Variants in SOX5 observed in about 807,000 individuals in gnomAD.
SOX5 encodes the protein SRY-box transcription factor 5.
SOX5 carries 9 observed loss-of-function variants against 92.0 expected under a neutral mutation model. The observed-to-expected ratio is 0.10, with a 90% CI of 0.06 to 0.17. The LOEUF (loss-of-function observed/expected upper bound fraction) is 0.17, where lower values mean the gene tolerates loss of function less well. SOX5 is among the 10% of genes least tolerant of loss of function. The pLI, the probability that SOX5 is intolerant of heterozygous loss-of-function variation, is 1.00. For synonymous variants in SOX5, 344 were observed against 336.3 expected, an observed-to-expected ratio of 1.02 and a Z score of -0.25; for missense variants, 642 against 944.5, an observed-to-expected ratio of 0.68 and a Z score of 4.20.
intron 7 of SOX5, among the ~76,000 whole-genome samples, chr12:23,662,124 A>G (rs1201620808): frequency 3.9e-5 from 6 of 152,126 alleles, no homozygotes; most frequent in Admixed American, 3.9e-4. Flanking sequence ...TTTATTTTAT[A>G]CACACACATT....
intron 6 of SOX5, among the ~76,000 whole-genome samples, chr12:23,704,945 A>G (rs1171706777): frequency 6.6e-6 from 1 of 151,668 alleles, no homozygotes; most frequent in Non-Finnish European, 1.5e-5. Context: ...ATTGTATATT[A>G]CAAATATAAA....
chr12:23,694,962 T>C (rs1307217114), intron 6 of SOX5, among the ~76,000 whole-genome samples: 1 of 151,858 alleles, frequency 6.6e-6, no homozygotes, highest in African/African-American at 2.4e-5. Flanking sequence ...CTACAAAAAA[T>C]TTTAAAAATT....
At chr12:24,235,725 T>C (rs1248192598) in intron 3 of SOX5, among the ~76,000 whole-genome samples, 1 of 152,236 alleles carries the variant, frequency 6.6e-6, no homozygotes, top group Non-Finnish European at 1.5e-5. Context: ...TTAAGTCTCA[T>C]CTATCTCTAA....
At chr12:24,105,930 C>A (rs1424147103) in intron 4 of SOX5, among the ~76,000 whole-genome samples, 2 of 152,130 alleles carry the variant, frequency 1.3e-5, no homozygotes, top group Non-Finnish European at 1.5e-5. Flanking sequence ...TTATTTCATT[C>A]TTTTCCCCTA....
At chr12:23,873,198 G>A (rs1177378593) in intron 2 of SOX5, among the ~76,000 whole-genome samples, 3 of 152,132 alleles carry the variant, frequency 2.0e-5, no homozygotes. Context: ...TAAGGGCCAA[G>A]AAATGACTGT....
upstream of SOX5, among the ~76,000 whole-genome samples, chr12:23,950,260 A>G (rs1392999049): frequency 7.1e-6 from 1 of 140,036 alleles, no homozygotes; most frequent in African/African-American, 2.7e-5. Flanking sequence ...ACGGAAATAC[A>G]CGCACACACA....
At chr12:23,534,586 C>T in intron 14 of SOX5, 64 bp from the exon 15 acceptor site, 4 of 1,291,836 alleles carry the variant, frequency 3.1e-6, no homozygotes, top group Non-Finnish European at 4.3e-6. Flanking sequence ...GTGGACTTTA[C>T]TACATAATTA....
At chr12:23,762,244 C>T (rs2094580456) in intron 3 of SOX5, among the ~76,000 whole-genome samples, 1 of 151,940 alleles carries the variant, frequency 6.6e-6, no homozygotes, top group Non-Finnish European at 1.5e-5. Context: ...TAGGAAATAT[C>T]AAAAAATAAC....
chr12:23,884,473 C>G (rs1014968462), intron 2 of SOX5, among the ~76,000 whole-genome samples: 9 of 152,078 alleles, frequency 5.9e-5, no homozygotes, highest in African/African-American at 1.7e-4. Flanking sequence ...AGTAAAATTC[C>G]TGGCCCATTT....
intron 4 of SOX5, among the ~76,000 whole-genome samples, chr12:24,106,181 T>A (rs1946644343): frequency 6.7e-6 from 1 of 148,268 alleles, no homozygotes; most frequent in African/African-American, 2.5e-5. Flanking sequence ...TCACACAAAC[T>A]GGTAATTAGA....
chr12:23,584,174 G>C (rs891859029), intron 9 of SOX5, among the ~76,000 whole-genome samples: 1 of 152,074 alleles, frequency 6.6e-6, no homozygotes, highest in African/African-American at 2.4e-5. Context: ...TAGAAGGTTT[G>C]ATCCACTGGA....
chr12:24,143,956 CCA>C (rs1950833773), intron 4 of SOX5, among the ~76,000 whole-genome samples: 1 of 151,708 alleles, frequency 6.6e-6, no homozygotes, highest in Non-Finnish European at 1.5e-5. Context: ...TTTCATACAT[CCA>C]CAGATAAAAG....
At chr12:23,613,401 T>G (rs2076193956) in intron 8 of SOX5, among the ~76,000 whole-genome samples, 1 of 151,866 alleles carries the variant, frequency 6.6e-6, no homozygotes, top group South Asian at 2.1e-4. Flanking sequence ...GAAACTTGTA[T>G]ATCGCTGATG....
At chr12:24,408,703 A>C (rs1963494513) in intron 1 of SOX5, among the ~76,000 whole-genome samples, 1 of 152,244 alleles carries the variant, frequency 6.6e-6, no homozygotes, top group Non-Finnish European at 1.5e-5. Context: ...TTTGTTGCTG[A>C]ATAGTGTTCT....
At chr12:23,898,735 C>T (rs756304117) in intron 1 of SOX5, among the ~76,000 whole-genome samples, 3 of 152,156 alleles carry the variant, frequency 2.0e-5, no homozygotes, top group Non-Finnish European at 4.4e-5. Flanking sequence ...CGTCATGATG[C>T]CGGAAGGCAA....
intron 2 of SOX5, among the ~76,000 whole-genome samples, chr12:24,342,154 A>T (rs1952650696): frequency 6.6e-6 from 1 of 152,124 alleles, no homozygotes; most frequent in Non-Finnish European, 1.5e-5. Flanking sequence ...GTCATAAACA[A>T]CATCAACATT....
upstream of SOX5, among the ~76,000 whole-genome samples, chr12:23,950,262 GCA>G (rs111520694): frequency 0.25 from 37,674 of 148,010 alleles, 4,757 homozygotes; most frequent in African/African-American, 0.28. Flanking sequence ...GGAAATACAC[GCA>G]CACACACACA....
chr12:24,398,510 AG>A (rs1444418934), intron 1 of SOX5, among the ~76,000 whole-genome samples: 8 of 152,210 alleles, frequency 5.3e-5, no homozygotes, highest in African/African-American at 1.7e-4. Context: ...TCCCCCGTCT[AG>A]AAAAACTGCT....
intron 3 of SOX5, among the ~76,000 whole-genome samples, chr12:23,835,849 C>G (rs2096406065): frequency 6.6e-6 from 1 of 151,574 alleles, no homozygotes; most frequent in Non-Finnish European, 1.5e-5. Flanking sequence ...CTGACTTGGT[C>G]ACTTTAAAAC....
Sources: allele counts gnomAD v4.1 joint callset (sites outside exome capture counted in the v4.1 genomes callset), GRCh38; gene constraint gnomAD v4.1.1; transcripts MANE v1.5; gene names NCBI Gene and HGNC (gene_info 2026-07-23, HGNC 2026-07-21).